Variants in RELA observed in about 807,000 individuals in gnomAD.
RELA encodes the protein transcription factor p65.
A neutral mutation model predicts 56.7 loss-of-function variants in RELA; 14 were observed. The ratio of observed to expected loss-of-function variants is 0.25; its 90% CI spans 0.16 to 0.39. RELA has a LOEUF of 0.39. RELA is among the 10% of genes least tolerant of loss of function. The pLI is 1.00. For missense variants in RELA, 559 were observed against 736.4 expected (o/e 0.76, Z 2.79); for synonymous variants, 315 against 289.7 (o/e 1.09, Z -0.89).
At chr11:65,656,850 C>T (rs1400221932) in intron 8 of RELA, among the ~76,000 whole-genome samples, 1 of 152,096 alleles carries the variant, frequency 6.6e-6, no homozygotes, top group African/African-American at 2.4e-5. Flanking sequence ...TGGTGAAAAC[C>T]CCGTCTCTAC....
chr11:65,655,865 A>G lies in RELA; in HGVS notation c.948T>C (p.Ser316=). The G allele has an allele frequency of 1.2e-6, 2 of 1,613,432 alleles. No individual in the cohort carries two copies. Among genetic ancestry groups the G allele is most frequent in the Non-Finnish European group, 1.7e-6 (2 of 1,179,844 alleles). Residue 316 remains serine (S), a synonymous_variant, in exon 9 of 11, where the codon AGT becomes AGC. Transcript: ENST00000406246. ...YETFKSIMKK[S]PFSGPTDPRP... is the part of the protein sequence containing the mutation. ...CAGTCCCCATCTCACCGCTGAAAGG[A>G]CTCTTCTTCATGATGCTCTTGAAGG... is the stretch of plus-strand genomic sequence containing the variant.
Position 65,658,830 on chromosome 11 carries a change from A to G in RELA, c.560-8T>C, listed in dbSNP as rs747063965. ...CGGCAGTGTTGGGGGCACCTGAGGC[A>G]GTGAAAACAAGGGAGGATGACCTGA... On this transcript the variant is annotated splice_region_variant and splice_polypyrimidine_tract_variant and intron_variant, in intron 6 of 10. Coordinates refer to ENST00000406246, the MANE Select transcript of RELA (RefSeq NM_021975.4). The surrounding 1 kb of genome is among the most constrained non-coding windows in gnomAD (Gnocchi z 4.5). 5 of 1,613,112 alleles carry G rather than the reference A, an allele frequency of 3.1e-6. No individual in the cohort carries two copies. In the South Asian group the frequency reaches 3.3e-5, roughly 11 times the overall value.
In RELA at chr11:65,653,678, TG is replaced by T. The variant is rs1393532126; in HGVS notation, c.*699del. ...TGCTTTGATTGTTCAGTAAAAACTATGCCTCCTGACTGGAGAGCTGCCAGCC... is the reference window on the plus strand; with the variant it reads ...TGCTTTGATTGTTCAGTAAAAACTATCCTCCTGACTGGAGAGCTGCCAGCC... On this transcript the variant is annotated 3_prime_UTR_variant, in exon 11 of 11. Transcript: ENST00000406246. 2.0e-5 allele frequency: 3 copies of T among 152,636 alleles called. No individual in the cohort carries two copies. The East Asian group carries it at 5.8e-4, about 29-fold the overall frequency. The allele number at this position is 152,636 out of a possible 1,614,324, so 9.5% of individuals were successfully genotyped here.
intron 4 of RELA, 72 bp downstream of exon 4, chr11:65,661,615 C>T: frequency 7.0e-7 from 1 of 1,418,998 alleles, no homozygotes; most frequent in Non-Finnish European, 9.6e-7. Flanking sequence ...AAAGGAGTAA[C>T]ACTGTAGCGG....
Position 65,662,181 on chromosome 11 carries a change from G to A in RELA, c.32C>T (p.Ala11Val). The change falls in exon 2 of 11, where the codon GCA (alanine) becomes GTA (valine). Residue 11 changes from alanine to valine, a missense_variant and splice_region_variant. Physicochemically the swap from Ala to Val is moderately conservative, Grantham distance 64. This residue lies in a region of RELA where 21 missense variants were observed against 17.4 expected (regional missense o/e 1.21). Coordinates refer to ENST00000406246, the MANE Select transcript of RELA (RefSeq NM_021975.4). The stretch of plus-strand genomic sequence containing the variant: ...CGACCGCCGCGGGGGCCACTTACCT[G>A]CCGGGAAGATGAGGGGGAACAGTTC... MDELFPLIFP[A>V]EPAQASGPYV... 1 of 1,589,044 alleles carries A rather than the reference G, an allele frequency of 6.3e-7. No individual in the cohort carries two copies. Among genetic ancestry groups the A allele is most frequent in the Non-Finnish European group, 8.5e-7 (1 of 1,171,982 alleles).
At chr11:65,661,908 T>C (rs1462467813) in intron 3 of RELA, 29 bp downstream of exon 3, 5 of 1,607,748 alleles carry the variant, frequency 3.1e-6, no homozygotes, top group South Asian at 2.2e-5. Context: ...CCACAGTCCC[T>C]TCCCCGCACA....
chr11:65,656,796 G>A (rs554337636), intron 8 of RELA, among the ~76,000 whole-genome samples: 6 of 152,266 alleles, frequency 3.9e-5, no homozygotes, highest in African/African-American at 1.4e-4. Context: ...AGGTCGAGGC[G>A]GGTGGATCAC....
chr11:65,655,141 T>TAAGAGGAAGGGG (rs1856390295), intron 10 of RELA, 141 bp from the exon 11 acceptor site: 1 of 702,960 alleles, frequency 1.4e-6, no homozygotes, highest in Non-Finnish European at 2.5e-6. Flanking sequence ...CTCCTTCCTC[T>TAAGAGGAAGGGG]TACCCCATCT....
intron 5 of RELA, 115 bp downstream of exon 5, chr11:65,660,009 G>A (rs1248417890): frequency 9.9e-6 from 12 of 1,217,966 alleles, no homozygotes; most frequent in Admixed American, 1.7e-5. Context: ...GGAGAGTACT[G>A]AATGGGCACC....
In RELA at chr11:65,660,228, AGTC is replaced by A. The variant is rs1856529778; in HGVS notation, c.336-16_336-14del. 1 of 1,613,548 alleles carries A rather than the reference AGTC, an allele frequency of 6.2e-7. No homozygotes were observed. The highest frequency in any genetic ancestry group is 1.3e-5 in the African/African-American group (1 of 74,866). On this transcript the variant is annotated splice_polypyrimidine_tract_variant and intron_variant, in intron 4 of 10. Coordinates refer to ENST00000406246, the MANE Select transcript of RELA (RefSeq NM_021975.4). ...CAGGTTCTGGAAACTGAGCGCCCCC[AGTC>A]GTCTGTCCCACTGTCTCTCACAGAG... is the stretch of plus-strand genomic sequence containing the variant.
In RELA at chr11:65,658,281, G is replaced by T; in HGVS notation, c.877+6C>A. The T allele has an allele frequency of 1.3e-6, 2 of 1,579,376 alleles. No homozygotes were observed. Among genetic ancestry groups the T allele is most frequent in the South Asian group, 2.3e-5 (2 of 87,060 alleles). On this transcript the variant is annotated splice_donor_region_variant and intron_variant, in intron 8 of 10. Transcript: ENST00000406246. The surrounding 1 kb of genome is among the most constrained non-coding windows in gnomAD (Gnocchi z 4.5). ...CTGCCCTGATGCTGCCACCCCAGCT[G>T]TGTACCTGTATCTGGCAGGTACTGG...
At chr11:65,657,789 T>TG (rs745433289) in intron 8 of RELA, among the ~76,000 whole-genome samples, 1 of 152,246 alleles carries the variant, frequency 6.6e-6, no homozygotes, top group Non-Finnish European at 1.5e-5. Flanking sequence ...CTCAAGTGAC[T>TG]GAGACTCTGA....
upstream of RELA, chr11:65,663,006 A>T (rs1856614666): frequency 5.8e-6 from 2 of 343,554 alleles, no homozygotes; most frequent in Non-Finnish European, 9.5e-6. Context: ...GGCCGGGAGC[A>T]AGTGCACGCC....
intron 4 of RELA, chr11:65,661,485 C>T: frequency 2.0e-6 from 1 of 505,206 alleles, no homozygotes; most frequent in East Asian, 3.1e-5. Context: ...AGGGACCCAT[C>T]CGTATCCCCT....
chr11:65,655,382 A>C (rs11227247), intron 10 of RELA: 97,788 of 577,886 alleles, frequency 0.17, 11,383 homozygotes, highest in East Asian at 0.43. Flanking sequence ...AGCCTCGCAC[A>C]GGCACACACA....
chr11:65,660,519 G>T, intron 4 of RELA: 1 of 375,220 alleles, frequency 2.7e-6, no homozygotes, highest in South Asian at 4.6e-5. Context: ...TGTTTGGTCG[G>T]CTTGGAATGT....
intron 10 of RELA, chr11:65,655,403 T>A: frequency 1.7e-6 from 1 of 586,246 alleles, no homozygotes; most frequent in Admixed American, 3.1e-5. Flanking sequence ...TCTTGCTAAT[T>A]TAGAGGTGAT....
At chr11:65,656,721 T>C (rs1856439041) in intron 8 of RELA, among the ~76,000 whole-genome samples, 2 of 152,090 alleles carry the variant, frequency 1.3e-5, no homozygotes, top group South Asian at 2.1e-4. Context: ...GACACAATCA[T>C]ATATACAAAC....
rs1856609539 is a variant in RELA, at chr11:65,662,857, G to C, written c.-25C>G. 8.4e-7 allele frequency: 1 copy of C among 1,191,944 alleles called. No homozygotes were observed. The highest frequency in any genetic ancestry group is 1.0e-6 in the Non-Finnish European group (1 of 962,246). 73.8% of individuals were successfully genotyped at this position (1,191,944 alleles called of 1,614,324 possible). A position where few individuals can be genotyped will look rare whatever the true frequency, so the allele number is the denominator to read the frequency against. On this transcript the variant is annotated 5_prime_UTR_variant, in exon 1 of 11. Coordinates refer to ENST00000406246, the MANE Select transcript of RELA (RefSeq NM_021975.4). ...TGGCCGGGGTCCCGGGGGCGGGGCC[G>C]GGGTCGCAGCTGGGCCCGCGGCGTG... is the stretch of plus-strand genomic sequence containing the variant.
Sources: allele counts gnomAD v4.1 joint callset (sites outside exome capture counted in the v4.1 genomes callset), GRCh38; gene constraint gnomAD v4.1.1; regional missense constraint gnomAD v4.1.1; non-coding constraint Gnocchi (gnomAD v3.1); transcripts MANE v1.5; gene names NCBI Gene and HGNC (gene_info 2026-07-23, HGNC 2026-07-21).